Variants in ABI1 observed in about 807,000 individuals in gnomAD.
The protein encoded by ABI1 is abl interactor 1.
A neutral mutation model predicts 54.6 loss-of-function variants in ABI1; 14 were observed. The observed-to-expected ratio is 0.26, with a 90% CI of 0.17 to 0.40. ABI1 has a LOEUF of 0.40. Ranked by LOEUF, ABI1 falls within the 10% of genes least tolerant of loss-of-function variation. The probability of loss-of-function intolerance (pLI) is 1.00; values close to 1 mark genes in which losing one functional copy is unlikely to be tolerated. For synonymous variants in ABI1, 194 were observed against 209.3 expected (o/e 0.93, Z 0.63); for missense variants, 443 against 598.3 (o/e 0.74, Z 2.71).
intron 2 of ABI1, among the ~76,000 whole-genome samples, chr10:26,788,453 T>C (rs1056716116): frequency 1.3e-5 from 2 of 152,234 alleles, no homozygotes; most frequent in Admixed American, 6.5e-5. Context: ...TCTACAACTC[T>C]GCAATTAAGA....
rs193123094 is a variant in ABI1 at position 26,751,740 on chromosome 10, G to A, written c.1128C>T (p.Asp376=). 18 of 1,613,606 alleles carry A rather than the reference G, an allele frequency of 1.1e-5. No homozygotes were observed. The highest frequency in any genetic ancestry group is 1.7e-4 in the Middle Eastern group (1 of 6,050). ...GTGGAGAGTCATCAAACATGGGAAT[G>A]TCATCTGGTGGAGGTGGTGGCGGTG... ...PTPPPPPPPD[D]IPMFDDSPPP... The change falls in exon 10 of 11, where the codon GAC becomes GAT. Residue 376 remains aspartate (D), a synonymous_variant. Transcript: ENST00000376140.
At chr10:26,770,577 G>GA (rs753103593) in intron 4 of ABI1, 10 of 690,694 alleles carry the variant, frequency 1.4e-5, no homozygotes, top group Middle Eastern at 5.0e-4. Flanking sequence ...GAGATGACTG[G>GA]ATTTAATATC....
chr10:26,800,100 C>G (rs1488523875), intron 2 of ABI1, among the ~76,000 whole-genome samples: 1 of 151,772 alleles, frequency 6.6e-6, no homozygotes, highest in Non-Finnish European at 1.5e-5. Context: ...TCACCTGAAT[C>G]GGGCCGGGCG....
chr10:26,765,762 A>C (rs971721546), intron 6 of ABI1, among the ~76,000 whole-genome samples: 1 of 152,020 alleles, frequency 6.6e-6, no homozygotes, highest in African/African-American at 2.4e-5. Flanking sequence ...GTGTGTAACA[A>C]GAAATTTTTA....
chr10:26,817,571 G>C (rs940850311), intron 2 of ABI1, among the ~76,000 whole-genome samples: 4 of 152,152 alleles, frequency 2.6e-5, no homozygotes, highest in Admixed American at 2.0e-4. Context: ...TGGAGAGTTA[G>C]TGCTTAACAG....
At chr10:26,772,909 GA>G (rs572434605) in intron 3 of ABI1, among the ~76,000 whole-genome samples, 25 of 144,356 alleles carry the variant, frequency 1.7e-4, no homozygotes, top group Non-Finnish European at 2.1e-4. Context: ...CCCTTCTCTT[GA>G]AAAAAAAAAA....
chr10:26,820,380 G>T (rs1168639270), intron 2 of ABI1, among the ~76,000 whole-genome samples: 1 of 151,904 alleles, frequency 6.6e-6, no homozygotes, highest in Non-Finnish European at 1.5e-5. Flanking sequence ...ATCAAATGAG[G>T]TGTATTTTTC....
chr10:26,770,562 C>G (rs756890989), intron 4 of ABI1: 3 of 714,832 alleles, frequency 4.2e-6, no homozygotes, highest in Non-Finnish European at 7.7e-6. Context: ...TAGCCAAATA[C>G]AGGTGAGATG....
At chr10:26,815,964 G>A (rs900387964) in intron 2 of ABI1, among the ~76,000 whole-genome samples, 1 of 152,076 alleles carries the variant, frequency 6.6e-6, no homozygotes, top group Non-Finnish European at 1.5e-5. Flanking sequence ...ATAAATAATC[G>A]CACAAAGCAG....
chr10:26,818,671 A>T (rs1335839291), intron 2 of ABI1, among the ~76,000 whole-genome samples: 4 of 148,310 alleles, frequency 2.7e-5, no homozygotes, highest in African/African-American at 1.0e-4. Flanking sequence ...TGTGGGGTTT[A>T]AAACATACAC....
intron 1 of ABI1, among the ~76,000 whole-genome samples, chr10:26,853,176 A>G (rs1479382042): frequency 7.0e-6 from 1 of 143,556 alleles, no homozygotes; most frequent in African/African-American, 2.6e-5. Flanking sequence ...CGGAGCTTGC[A>G]GTGAGCCGAG....
chr10:26,858,529 CAAAAAAAGAAAAAAAAAAA>C (rs2051029726), intron 1 of ABI1, among the ~76,000 whole-genome samples: 1 of 46,622 alleles, frequency 2.1e-5, no homozygotes, highest in South Asian at 7.1e-4. Context: ...CCCGCCCCCA[CAAAAAAAGAAAAAAAAAAA>C]AAAAAAAAAA....
Position 26,779,717 on chromosome 10 carries a change from C to T in ABI1, c.286-2476G>A, listed in dbSNP as rs141598385. On this transcript the variant is annotated intron_variant, in intron 2 of 10. Transcript: ENST00000376140. The stretch of plus-strand genomic sequence containing the variant: ...TGGCTATCTTAGTGCTCAGCTCCTA[C>T]CGCAGTCTACCTTGTCAACATTAAA... Among the ~76,000 whole-genome samples the T allele has an allele frequency of 4.9e-4, 74 of 152,292 alleles. 1 individual carries two copies. In the South Asian group the frequency reaches 0.013, roughly 26 times the overall value.
chr10:26,834,548 AACACACACACACACACACACACAC>A (rs571268846), intron 1 of ABI1, among the ~76,000 whole-genome samples: 4 of 138,626 alleles, frequency 2.9e-5, no homozygotes, highest in East Asian at 4.2e-4. Context: ...AGACATACAA[AACACACACACACACACACACACAC>A]ACACACACAC....
At position 26,747,403 on chromosome 10, in the gene ABI1, T is replaced by G. The variant is rs1407977180; in HGVS notation, c.*1167A>C. 4.5e-6 allele frequency: 1 copy of G among 223,152 alleles called. No homozygotes were observed. The highest frequency in any genetic ancestry group is 9.0e-6 in the Non-Finnish European group (1 of 111,690). The allele number at this position is 223,152 out of a possible 1,614,324, so 13.8% of individuals were successfully genotyped here. A position where few individuals can be genotyped will look rare whatever the true frequency, so the allele number is the denominator to read the frequency against. On this transcript the variant is annotated 3_prime_UTR_variant, in exon 11 of 11. Coordinates refer to ENST00000376140, the MANE Select transcript of ABI1 (RefSeq NM_001012750.3). Reference sequence around the variant, plus strand: ...AGGTAAATCTCTGTTCACTGATTAATACATGACCCACCTTCTTTCCCAATT... The same window carrying G: ...AGGTAAATCTCTGTTCACTGATTAAGACATGACCCACCTTCTTTCCCAATT...
At chr10:26,823,931 C>A (rs1241844473) in intron 1 of ABI1, among the ~76,000 whole-genome samples, 2 of 150,216 alleles carry the variant, frequency 1.3e-5, no homozygotes, top group Non-Finnish European at 3.0e-5. Flanking sequence ...ACTTACACCA[C>A]AAAGAGTAAA....
chr10:26,835,558 G>A (rs1441361797), intron 1 of ABI1, among the ~76,000 whole-genome samples: 1 of 149,922 alleles, frequency 6.7e-6, no homozygotes, highest in Non-Finnish European at 1.5e-5. Context: ...CTCGGTGAAA[G>A]AGTTAGACCC....
chr10:26,832,185 G>A (rs7097837), intron 1 of ABI1, among the ~76,000 whole-genome samples: 38,334 of 152,060 alleles, frequency 0.25, 5,436 homozygotes, highest in South Asian at 0.42. Flanking sequence ...TACTTGTAAA[G>A]TGTTTCCCAA....
At position 26,860,949 on chromosome 10, in the gene ABI1, G is replaced by T; in HGVS notation, c.-86C>A. On this transcript the variant is annotated 5_prime_UTR_variant, in exon 1 of 11. Transcript: ENST00000376140. The surrounding 1 kb of genome is among the most constrained non-coding windows in gnomAD (Gnocchi z 4.1). ...GAGGCTCCGAGCACCTCACAGCCCGGATACAAACCGCCTACCCGCCCTCCC... is the reference window on the plus strand; with the variant it reads ...GAGGCTCCGAGCACCTCACAGCCCGTATACAAACCGCCTACCCGCCCTCCC... 2 of 1,214,996 alleles carry T rather than the reference G, an allele frequency of 1.6e-6. No individual in the cohort carries two copies. Among genetic ancestry groups the T allele is most frequent in the Non-Finnish European group, 2.4e-6 (2 of 826,938 alleles). 75.3% of individuals were successfully genotyped at this position (1,214,996 alleles called of 1,614,324 possible).
Sources: allele counts gnomAD v4.1 joint callset (sites outside exome capture counted in the v4.1 genomes callset), GRCh38; gene constraint gnomAD v4.1.1; non-coding constraint Gnocchi (gnomAD v3.1); transcripts MANE v1.5; gene names NCBI Gene and HGNC (gene_info 2026-07-23, HGNC 2026-07-21).